Variants in CHP1 observed in about 807,000 individuals in gnomAD.
The protein encoded by CHP1 is calcineurin like EF-hand protein 1.
Under a neutral mutation model 27.4 loss-of-function variants are expected in CHP1, and 11 were observed. The observed-to-expected ratio is 0.40, with a 90% CI of 0.25 to 0.67. The LOEUF (loss-of-function observed/expected upper bound fraction) is 0.67, where lower values mean the gene tolerates loss of function less well. Ranked by LOEUF, CHP1 falls within the 30% of genes least tolerant of loss-of-function variation. The probability of loss-of-function intolerance (pLI) is 0.38; values close to 1 mark genes in which losing one functional copy is unlikely to be tolerated. For synonymous variants in CHP1, 89 were observed against 87.4 expected (o/e 1.02, Z -0.10); for missense variants, 169 against 251.3 (o/e 0.67, Z 2.22).
chr15:41,264,254 T>G, intron 4 of CHP1: 1 of 1,273,216 alleles, frequency 7.9e-7, no homozygotes, highest in Non-Finnish European at 1.0e-6. Flanking sequence ...TTCCCCTCAC[T>G]TTGATAAGTC....
intron 2 of CHP1, among the ~76,000 whole-genome samples, chr15:41,249,043 AT>A (rs1438458291): frequency 1.3e-4 from 20 of 152,152 alleles, no homozygotes; most frequent in Non-Finnish European, 2.9e-5. Context: ...CTCTAGTAGA[AT>A]GATCCAGTTC....
At chr15:41,273,530 C>T (rs890816954) in intron 5 of CHP1, among the ~76,000 whole-genome samples, 3 of 151,876 alleles carry the variant, frequency 2.0e-5, no homozygotes, top group African/African-American at 4.8e-5. Flanking sequence ...TATAGGCATG[C>T]GCCACCACAC....
intron 3 of CHP1, among the ~76,000 whole-genome samples, chr15:41,257,221 T>G (rs149341433): frequency 2.4e-4 from 37 of 152,330 alleles, no homozygotes; most frequent in African/African-American, 8.4e-4. Context: ...ATGTTTATCA[T>G]TGATGTAAAA....
At chr15:41,270,422 C>T (rs965671028) in intron 4 of CHP1, 135 bp from the exon 5 acceptor site, 1 of 661,370 alleles carries the variant, frequency 1.5e-6, no homozygotes, top group Non-Finnish European at 2.7e-6. Context: ...AAAAGCCCTA[C>T]AAGTAATGGC....
intron 3 of CHP1, among the ~76,000 whole-genome samples, chr15:41,261,446 G>A (rs922466972): frequency 2.6e-5 from 4 of 152,006 alleles, no homozygotes; most frequent in African/African-American, 7.2e-5. Context: ...ATGGACCACC[G>A]TGCCCAGCCA....
chr15:41,260,970 C>T (rs1006666984), intron 3 of CHP1, among the ~76,000 whole-genome samples: 1 of 149,734 alleles, frequency 6.7e-6, no homozygotes. Context: ...GCAACTTCTG[C>T]CTCCTGTGTG....
intron 5 of CHP1, chr15:41,272,325 C>A (rs1411145093): frequency 6.6e-6 from 1 of 151,986 alleles, no homozygotes; most frequent in Non-Finnish European, 1.5e-5. Flanking sequence ...ATATGTACAG[C>A]TTATTGTATA....
intron 5 of CHP1, among the ~76,000 whole-genome samples, chr15:41,275,230 T>C (rs2140943937): frequency 6.6e-6 from 1 of 152,246 alleles, no homozygotes; most frequent in South Asian, 2.1e-4. Flanking sequence ...TAATCTCGGC[T>C]CACTGCAACC....
In CHP1 at chr15:41,278,960, C is replaced by T. The variant is rs948693562; in HGVS notation, c.534+71C>T. ...GGGCGCGGTGGCTTACGCCTGTAAT[C>T]CCAGCACTTTAGGAGGCCAAGGTGG... is the stretch of plus-strand genomic sequence containing the variant. On this transcript the variant is annotated intron_variant, in intron 6 of 6. Coordinates refer to ENST00000334660, the MANE Select transcript of CHP1 (RefSeq NM_007236.5). 104 of 1,591,924 alleles carry T rather than the reference C, an allele frequency of 6.5e-5. No individual in the cohort carries two copies. The African/African-American group carries it at 1.3e-3, about 20-fold the overall frequency.
intron 3 of CHP1, among the ~76,000 whole-genome samples, chr15:41,261,453 G>C (rs1170666128): frequency 2.0e-5 from 3 of 152,102 alleles, no homozygotes; most frequent in African/African-American, 7.2e-5. Context: ...ACCGTGCCCA[G>C]CCAGAAAATA....
At chr15:41,259,750 T>C (rs919960612) in intron 3 of CHP1, among the ~76,000 whole-genome samples, 2 of 152,184 alleles carry the variant, frequency 1.3e-5, no homozygotes, top group Non-Finnish European at 2.9e-5. Context: ...GTCATTCTTT[T>C]GTTTTGTTTT....
chr15:41,261,660 G>A (rs1040031689), intron 3 of CHP1, among the ~76,000 whole-genome samples: 1 of 151,654 alleles, frequency 6.6e-6, no homozygotes, highest in African/African-American at 2.4e-5. Flanking sequence ...AGATTGAGAC[G>A]ATCCTAGCTA....
chr15:41,276,232 C>T (rs773815285), intron 5 of CHP1, among the ~76,000 whole-genome samples: 4 of 134,358 alleles, frequency 3.0e-5, no homozygotes, highest in Non-Finnish European at 6.2e-5. Flanking sequence ...CAGAGTGAGA[C>T]TCCATCTCAA....
intron 1 of CHP1, among the ~76,000 whole-genome samples, chr15:41,241,760 G>A (rs2047308126): frequency 6.6e-6 from 1 of 152,122 alleles, no homozygotes; most frequent in African/African-American, 2.4e-5. Context: ...CCCAGCTCTG[G>A]GCCACTCACT....
chr15:41,264,136 C>CTTTTTT, intron 4 of CHP1: 1 of 1,093,240 alleles, frequency 9.1e-7, no homozygotes, highest in Non-Finnish European at 1.2e-6. Context: ...GTTAACAGGG[C>CTTTTTT]TTTTTTTTTT....
chr15:41,247,014 CAA>C (rs528644397), intron 2 of CHP1, among the ~76,000 whole-genome samples: 134 of 123,998 alleles, frequency 1.1e-3, no homozygotes, highest in African/African-American at 1.9e-3. Flanking sequence ...GACTCTGTCT[CAA>C]AAAAAAAAAA....
chr15:41,243,330 A>T (rs560694483), intron 1 of CHP1, among the ~76,000 whole-genome samples: 1 of 152,292 alleles, frequency 6.6e-6, no homozygotes, highest in African/African-American at 2.4e-5. Flanking sequence ...ACAAGAGCAA[A>T]ACTTTGTCTC....
At chr15:41,265,581 G>A (rs1025106764) in intron 4 of CHP1, among the ~76,000 whole-genome samples, 8 of 151,220 alleles carry the variant, frequency 5.3e-5, no homozygotes, top group Non-Finnish European at 1.2e-4. Flanking sequence ...CGTGGTGGCG[G>A]GCGCCTGTAA....
intron 3 of CHP1, among the ~76,000 whole-genome samples, 157 bp from the exon 4 acceptor site, chr15:41,262,599 T>C (rs1418085714): frequency 6.6e-6 from 1 of 152,224 alleles, no homozygotes; most frequent in Non-Finnish European, 1.5e-5. Flanking sequence ...TTAAATGATA[T>C]GGTACTGTGA....
Sources: gnomAD v4.1 joint callset for allele counts (sites outside exome capture counted in the v4.1 genomes callset) on GRCh38, gnomAD v4.1.1 for gene constraint, MANE v1.5 for transcripts, NCBI Gene and HGNC (gene_info 2026-07-23, HGNC 2026-07-21) for gene names.